The following STARD9 variants were observed in gnomAD, a reference collection of about 807,000 sequenced individuals.
STARD9 encodes the protein stAR-related lipid transfer protein 9.
A neutral mutation model predicts 399.8 loss-of-function variants in STARD9; 346 were observed. That is an observed-to-expected ratio of 0.87 (90% CI 0.79 to 0.95). STARD9 has a LOEUF of 0.95. STARD9 is among the 40% of genes least tolerant of loss of function. The pLI, the probability that STARD9 is intolerant of heterozygous loss-of-function variation, is 0.00. For synonymous variants in STARD9, 2,203 were observed against 2,143.5 expected (o/e 1.03, Z -0.77); for missense variants, 5,832 against 5,667.5 (o/e 1.03, Z -0.93).
chr15:42,644,941 A>G (rs897159360), intron 7 of STARD9, among the ~76,000 whole-genome samples: 1 of 152,164 alleles, frequency 6.6e-6, no homozygotes, highest in Non-Finnish European at 1.5e-5. Context: ...ATAAGAAGCA[A>G]CTCATCATCC....
chr15:42,588,811 T>G, intron 3 of STARD9, among the ~76,000 whole-genome samples: 1 of 47,716 alleles, frequency 2.1e-5, no homozygotes, highest in Non-Finnish European at 4.9e-5. Context: ...TTTTTTTTTT[T>G]TTTTGGAGTG....
In STARD9 at chr15:42,637,917, G is replaced by A; in HGVS notation, c.362G>A (p.Gly121Glu). The A allele has an allele frequency of 6.5e-7, 1 of 1,537,180 alleles. No homozygotes were observed. The highest frequency in any genetic ancestry group is 8.7e-7 in the Non-Finnish European group (1 of 1,146,902). Residue 121 changes from glycine to glutamate, a missense_variant, in exon 5 of 33, where the codon GGG becomes GAG. Coordinates refer to ENST00000290607, the MANE Select transcript of STARD9 (RefSeq NM_020759.3). ...YTMLGTPASVGLTPRICEGLF... is the reference protein window; with the variant it reads ...YTMLGTPASVELTPRICEGLF... ...TCTTCTGTTCACCAGGCCTCTGTTGGGTTGACACCACGGATATGTGAGGTA... is the reference window on the plus strand; with the variant it reads ...TCTTCTGTTCACCAGGCCTCTGTTGAGTTGACACCACGGATATGTGAGGTA...
chr15:42,616,890 CAA>C (rs565991513), intron 3 of STARD9, among the ~76,000 whole-genome samples: 34 of 57,162 alleles, frequency 5.9e-4, no homozygotes, highest in East Asian at 3.2e-3. Context: ...GACTTCCTCT[CAA>C]AAAAAAAAAA....
intron 9 of STARD9, among the ~76,000 whole-genome samples, chr15:42,658,630 G>A (rs1362140651): frequency 2.6e-5 from 4 of 151,676 alleles, no homozygotes; most frequent in East Asian, 3.9e-4. Context: ...TTACAGGCAC[G>A]CATTACCATG....
chr15:42,683,519 T>G (rs1226248112), intron 22 of STARD9, among the ~76,000 whole-genome samples: 1 of 152,196 alleles, frequency 6.6e-6, no homozygotes, highest in Non-Finnish European at 1.5e-5. Flanking sequence ...AAAATTAAGA[T>G]TATTTGATGT....
At chr15:42,596,557 A>G (rs1008218477) in intron 3 of STARD9, among the ~76,000 whole-genome samples, 2 of 152,190 alleles carry the variant, frequency 1.3e-5, no homozygotes, top group Admixed American at 6.5e-5. Flanking sequence ...CAGACTGCTA[A>G]CAGGTGCTAA....
intron 20 of STARD9, among the ~76,000 whole-genome samples, chr15:42,677,135 A>G (rs1202535594): frequency 2.0e-5 from 3 of 150,528 alleles, no homozygotes; most frequent in Admixed American, 1.3e-4. Flanking sequence ...ATGGTAGCAC[A>G]TGCCTGTAGT....
At chr15:42,675,037 C>T in intron 18 of STARD9, 73 bp downstream of exon 18, 1 of 1,391,676 alleles carries the variant, frequency 7.2e-7, no homozygotes, top group Admixed American at 3.1e-5. Context: ...GCCCAAAGAG[C>T]TCAGTGAAGC....
At chr15:42,704,500 T>C (rs564915365) in intron 26 of STARD9, among the ~76,000 whole-genome samples, 1 of 152,330 alleles carries the variant, frequency 6.6e-6, no homozygotes, top group East Asian at 1.9e-4. Flanking sequence ...TGTACCTGTC[T>C]TTCAGAGAGC....
At chr15:42,616,487 C>G (rs765167034) in intron 3 of STARD9, among the ~76,000 whole-genome samples, 17 of 152,210 alleles carry the variant, frequency 1.1e-4, no homozygotes, top group African/African-American at 4.1e-4. Flanking sequence ...TTCCTGATAA[C>G]TCTGCCAACA....
At chr15:42,701,048 G>C (rs569170238) in intron 26 of STARD9, among the ~76,000 whole-genome samples, 4 of 152,148 alleles carry the variant, frequency 2.6e-5, no homozygotes, top group Non-Finnish European at 5.9e-5. Flanking sequence ...TAGTGTGTTT[G>C]TCAAAAATCA....
At chr15:42,586,641 C>T (rs1245184196) in intron 3 of STARD9, among the ~76,000 whole-genome samples, 1 of 152,148 alleles carries the variant, frequency 6.6e-6, no homozygotes, top group Non-Finnish European at 1.5e-5. Flanking sequence ...TTGGAAAAGC[C>T]ATTTACTTGG....
At chr15:42,659,315 G>C (rs575883718) in intron 9 of STARD9, among the ~76,000 whole-genome samples, 1 of 152,118 alleles carries the variant, frequency 6.6e-6, no homozygotes, top group African/African-American at 2.4e-5. Flanking sequence ...GACAATTAGG[G>C]AGTTGAAAAA....
intron 3 of STARD9, among the ~76,000 whole-genome samples, chr15:42,624,636 C>G (rs1025466179): frequency 2.0e-5 from 3 of 152,000 alleles, no homozygotes; most frequent in Non-Finnish European, 4.4e-5. Flanking sequence ...GCAACCTCCG[C>G]CTCCCAGGTT....
At chr15:42,617,545 T>G (rs1243413353) in intron 3 of STARD9, among the ~76,000 whole-genome samples, 1 of 152,082 alleles carries the variant, frequency 6.6e-6, no homozygotes, top group Non-Finnish European at 1.5e-5. Flanking sequence ...GATTCAAGAA[T>G]GAAAGCGACT....
chr15:42,612,125 G>C (rs1414393539), intron 3 of STARD9, among the ~76,000 whole-genome samples: 2 of 152,078 alleles, frequency 1.3e-5, no homozygotes, highest in South Asian at 4.1e-4. Flanking sequence ...CTACAAGCAT[G>C]TTCCACCACA....
At chr15:42,695,713 A>G in intron 25 of STARD9, 30 bp from the exon 26 acceptor site, 1 of 1,529,740 alleles carries the variant, frequency 6.5e-7, no homozygotes, top group Non-Finnish European at 8.8e-7. Context: ...GTGCATCAGA[A>G]GCTGGTTAAT....
chr15:42,583,653 A>T (rs2058217962), intron 2 of STARD9, among the ~76,000 whole-genome samples: 1 of 152,120 alleles, frequency 6.6e-6, no homozygotes, highest in African/African-American at 2.4e-5. Flanking sequence ...TCTGTTTTGG[A>T]AATTAGTTGG....
intron 3 of STARD9, among the ~76,000 whole-genome samples, chr15:42,618,749 A>G (rs1352443460): frequency 1.3e-5 from 2 of 151,980 alleles, no homozygotes; most frequent in African/African-American, 2.4e-5. Flanking sequence ...GGAGTGCACC[A>G]GCACGCCTGG....
Sources: gnomAD v4.1 joint callset for allele counts (sites outside exome capture counted in the v4.1 genomes callset) on GRCh38, gnomAD v4.1.1 for gene constraint, MANE v1.5 for transcripts, NCBI Gene and HGNC (gene_info 2026-07-23, HGNC 2026-07-21) for gene names.